The following TM7SF3 variants were observed in gnomAD, a reference collection of about 807,000 sequenced individuals.
TM7SF3 encodes the protein seven span transmembrane protein.
TM7SF3 carries 60 observed loss-of-function variants against 65.5 expected under a neutral mutation model. That is an observed-to-expected ratio of 0.92 (90% CI 0.74 to 1.14). The LOEUF (loss-of-function observed/expected upper bound fraction) is 1.14. Ranked by LOEUF, TM7SF3 falls within the 50% of genes most tolerant of loss-of-function variation. The pLI, the probability that TM7SF3 is intolerant of heterozygous loss-of-function variation, is 0.00. For missense variants in TM7SF3, 623 were observed against 684.8 expected, an observed-to-expected ratio of 0.91 and a Z score of 1.01; for synonymous variants, 264 against 259.6, an observed-to-expected ratio of 1.02 and a Z score of -0.16.
At chr12:26,996,909 C>T (rs781072195) in intron 3 of TM7SF3, 47 bp from the exon 4 acceptor site, 8 of 1,555,218 alleles carry the variant, frequency 5.1e-6, no homozygotes, top group Admixed American at 2.1e-5. Context: ...TCCTACATAT[C>T]CAAATCATAC....
At chr12:27,008,426 T>C (rs1941122114) in intron 1 of TM7SF3, among the ~76,000 whole-genome samples, 1 of 152,310 alleles carries the variant, frequency 6.6e-6, no homozygotes, top group African/African-American at 2.4e-5. Context: ...ACATCATAGA[T>C]ATGAGTATTC....
At chr12:27,000,897 C>T (rs532155373) in intron 2 of TM7SF3, among the ~76,000 whole-genome samples, 23 of 151,984 alleles carry the variant, frequency 1.5e-4, no homozygotes, top group Admixed American at 4.6e-4. Flanking sequence ...CTCTACCATC[C>T]CCCACTCCCA....
At chr12:26,994,837 T>A (rs1940524363) in intron 5 of TM7SF3, among the ~76,000 whole-genome samples, 1 of 152,236 alleles carries the variant, frequency 6.6e-6, no homozygotes, top group South Asian at 2.1e-4. Context: ...ACTTTGAGTT[T>A]GGGTTCAAAT....
intron 5 of TM7SF3, 22 bp from the exon 6 acceptor site, chr12:26,990,649 G>A (rs757099206): frequency 6.3e-7 from 1 of 1,597,866 alleles, no homozygotes; most frequent in Non-Finnish European, 8.5e-7. Context: ...AATAACACAT[G>A]ATTAGTGTTT....
chr12:26,979,717 C>G, intron 9 of TM7SF3, 67 bp downstream of exon 9: 3 of 1,559,906 alleles, frequency 1.9e-6, no homozygotes, highest in Non-Finnish European at 2.6e-6. Flanking sequence ...CTCCAGGATG[C>G]AAATCCAATT....
intron 1 of TM7SF3, among the ~76,000 whole-genome samples, chr12:27,004,898 A>G (rs1940971375): frequency 6.6e-6 from 1 of 152,224 alleles, no homozygotes; most frequent in African/African-American, 2.4e-5. Flanking sequence ...TTTACATTTT[A>G]AATGGACCAA....
chr12:26,988,159 GA>G (rs200558294), intron 6 of TM7SF3, among the ~76,000 whole-genome samples: 1 of 151,572 alleles, frequency 6.6e-6, no homozygotes, highest in Non-Finnish European at 1.5e-5. Context: ...CTGGACAGGG[GA>G]AAAAAAAATT....
intron 5 of TM7SF3, among the ~76,000 whole-genome samples, chr12:26,991,141 CT>C (rs35362439): frequency 0.029 from 3,153 of 107,388 alleles, 14 homozygotes; most frequent in Non-Finnish European, 0.044. Flanking sequence ...AGTAGTAGTT[CT>C]TTTTTTTTTT....
intron 6 of TM7SF3, among the ~76,000 whole-genome samples, chr12:26,987,027 C>T (rs182268997): frequency 6.6e-6 from 1 of 152,292 alleles, no homozygotes; most frequent in East Asian, 1.9e-4. Context: ...ATTGGAGCAC[C>T]CAGGGCTCAG....
intron 1 of TM7SF3, among the ~76,000 whole-genome samples, chr12:27,009,563 T>C (rs1462789195): frequency 4.6e-5 from 7 of 152,312 alleles, no homozygotes; most frequent in African/African-American, 1.7e-4. Context: ...TCTTTAATTT[T>C]ATTTCTTAAC....
At position 26,979,662 on chromosome 12, in the gene TM7SF3, C is replaced by A. The variant is rs796909903; in HGVS notation, c.1189+122G>T. 3.4e-5 allele frequency: 38 copies of A among 1,114,664 alleles called. No individual in the cohort carries two copies. In the African/African-American group the frequency reaches 5.3e-4, roughly 16 times the overall value. The allele number at this position is 1,114,664 out of a possible 1,614,324, so 69.0% of individuals were successfully genotyped here. A position where few individuals can be genotyped will look rare whatever the true frequency, so the allele number is the denominator to read the frequency against. Reference sequence around the variant, plus strand: ...GTCTGAAAGTGTCACACCATCAATGCAGATTTCCAGAACTCCACAGGAGAA... The same window carrying A: ...GTCTGAAAGTGTCACACCATCAATGAAGATTTCCAGAACTCCACAGGAGAA... On this transcript the variant is annotated intron_variant, in intron 9 of 11. Transcript: ENST00000343028.
intron 6 of TM7SF3, chr12:26,983,625 A>G (rs1300038116): frequency 2.2e-6 from 1 of 450,672 alleles, no homozygotes; most frequent in Non-Finnish European, 4.5e-6. Flanking sequence ...CATAAATCAA[A>G]ATTGTTAAGG....
intron 1 of TM7SF3, 62 bp downstream of exon 1, chr12:27,014,016 T>C (rs1409700865): frequency 7.0e-7 from 1 of 1,424,630 alleles, no homozygotes; most frequent in Non-Finnish European, 9.7e-7. Context: ...CTGGCGGATT[T>C]TGACCTCGCA....
chr12:27,014,232 G>T lies in TM7SF3; in HGVS notation c.-64C>A. ...GAGAGGTGCGGGCGTGCGCGCCGGG[G>T]CCCCGCAGCCTCGCCCACGCTATCC... On this transcript the variant is annotated 5_prime_UTR_variant, in exon 1 of 12. Coordinates refer to ENST00000343028, the MANE Select transcript of TM7SF3 (RefSeq NM_016551.3). The T allele has an allele frequency of 1.3e-6, 2 of 1,483,278 alleles. No homozygotes were observed. Among genetic ancestry groups the T allele is most frequent in the South Asian group, 1.2e-5 (1 of 81,002 alleles). The allele number at this position is 1,483,278 out of a possible 1,614,324, so 91.9% of individuals were successfully genotyped here. A position where few individuals can be genotyped will look rare whatever the true frequency, so the allele number is the denominator to read the frequency against.
At chr12:26,980,139 G>T in intron 8 of TM7SF3, 1 of 617,940 alleles carries the variant, frequency 1.6e-6, no homozygotes, top group East Asian at 2.8e-5. Flanking sequence ...TAGCTAGGGA[G>T]CTAAACCTCA....
chr12:27,005,127 T>A (rs889188422), intron 1 of TM7SF3, among the ~76,000 whole-genome samples: 1 of 152,164 alleles, frequency 6.6e-6, no homozygotes, highest in African/African-American at 2.4e-5. Flanking sequence ...ACTAAAAATG[T>A]TTCATTTATT....
rs748183340 is a variant in TM7SF3, at chr12:26,979,964, G to T, written c.1037-28C>A. ...GTACAAAGAGAGAGGATGAACTGCTGGATAACCGGCAGTACTTCCAACCGC... is the reference window on the plus strand; with the variant it reads ...GTACAAAGAGAGAGGATGAACTGCTTGATAACCGGCAGTACTTCCAACCGC... On this transcript the variant is annotated intron_variant, in intron 8 of 11. Coordinates refer to ENST00000343028, the MANE Select transcript of TM7SF3 (RefSeq NM_016551.3). 14 of 1,613,704 alleles carry T rather than the reference G, an allele frequency of 8.7e-6. No homozygotes were observed. In the South Asian group the frequency reaches 1.5e-4, roughly 18 times the overall value.
At chr12:26,993,773 C>A (rs1189770003) in intron 5 of TM7SF3, among the ~76,000 whole-genome samples, 1 of 152,228 alleles carries the variant, frequency 6.6e-6, no homozygotes, top group Non-Finnish European at 1.5e-5. Flanking sequence ...AGCCAGCACT[C>A]TTCTGCAAAG....
At chr12:27,004,439 G>A (rs1026199054) in intron 1 of TM7SF3, among the ~76,000 whole-genome samples, 7 of 152,242 alleles carry the variant, frequency 4.6e-5, no homozygotes, top group East Asian at 3.9e-4. Flanking sequence ...TAATTCACCC[G>A]AGTCCCATAG....
Sources: allele counts gnomAD v4.1 joint callset (sites outside exome capture counted in the v4.1 genomes callset), GRCh38; gene constraint gnomAD v4.1.1; transcripts MANE v1.5; gene names NCBI Gene and HGNC (gene_info 2026-07-23, HGNC 2026-07-21).